The following CSMD1 variants were observed in gnomAD, a reference collection of about 807,000 sequenced individuals.
CSMD1 encodes CUB and sushi domain-containing protein 1.
In CSMD1, 213 loss-of-function variants were observed where a neutral mutation model predicts 417.5. The ratio of observed to expected loss-of-function variants is 0.51; its 90% CI spans 0.46 to 0.57. The LOEUF is 0.57. Ranked by LOEUF, CSMD1 falls within the 20% of genes least tolerant of loss-of-function variation. The pLI, the probability that CSMD1 is intolerant of heterozygous loss-of-function variation, is 0.00. For missense variants in CSMD1, 6,923 were observed against 4,529.7 expected, an observed-to-expected ratio of 1.53 and a Z score of -15.17; for synonymous variants, 2,862 against 1,736.8, an observed-to-expected ratio of 1.65 and a Z score of -16.11.
chr8:3,160,913 T>G (rs1363822142), intron 38 of CSMD1, among the ~76,000 whole-genome samples: 2 of 152,174 alleles, frequency 1.3e-5, no homozygotes, highest in African/African-American at 4.8e-5. Flanking sequence ...TACACAATAT[T>G]TACCCCAATG....
chr8:4,266,461 T>C lies in CSMD1; in HGVS notation c.415+153492A>G, dbSNP rs188992475. Among the ~76,000 whole-genome samples the C allele has an allele frequency of 5.0e-3, 522 of 104,806 alleles. 75 individuals carry two copies. The highest frequency in any genetic ancestry group is 0.013 in the African/African-American group (501 of 38,414). 68.8% of individuals were successfully genotyped at this position (104,806 alleles called of 152,430 possible). A position where few individuals can be genotyped will look rare whatever the true frequency, so the allele number is the denominator to read the frequency against. ...TAGGTTATATTGATGATTGGTTAGA[T>C]AGAAGCCAAGGATAAAATTTATAAC... On this transcript the variant is annotated intron_variant, in intron 3 of 69. Coordinates refer to ENST00000635120, the MANE Select transcript of CSMD1 (RefSeq NM_033225.6).
At chr8:4,296,351 C>G (rs571742579) in intron 3 of CSMD1, among the ~76,000 whole-genome samples, 1 of 151,984 alleles carries the variant, frequency 6.6e-6, no homozygotes, top group Non-Finnish European at 1.5e-5. Flanking sequence ...ACTATAAACT[C>G]ATGTATATTT....
chr8:3,338,125 A>T (rs1807393256), intron 23 of CSMD1, among the ~76,000 whole-genome samples: 1 of 152,180 alleles, frequency 6.6e-6, no homozygotes, highest in African/African-American at 2.4e-5. Flanking sequence ...CCCCTTGAGG[A>T]GTCTGTCATC....
chr8:4,423,155 A>T (rs1358793176), intron 2 of CSMD1, among the ~76,000 whole-genome samples: 2 of 152,118 alleles, frequency 1.3e-5, no homozygotes, highest in Non-Finnish European at 2.9e-5. Flanking sequence ...AAATTTGAAC[A>T]AGTCAAGAAT....
intron 25 of CSMD1, among the ~76,000 whole-genome samples, chr8:3,287,057 C>T (rs1288324869): frequency 6.6e-6 from 1 of 152,018 alleles, no homozygotes; most frequent in Non-Finnish European, 1.5e-5. Context: ...GCCAGTTTTC[C>T]CAGCACCATT....
At chr8:4,724,623 T>C (rs1020292590) in intron 1 of CSMD1, among the ~76,000 whole-genome samples, 2 of 151,920 alleles carry the variant, frequency 1.3e-5, no homozygotes, top group Admixed American at 6.6e-5. Context: ...TGTGATATTA[T>C]TTGGAAAAAA....
intron 6 of CSMD1, among the ~76,000 whole-genome samples, chr8:3,731,062 C>T (rs1796223551): frequency 6.6e-6 from 1 of 152,152 alleles, no homozygotes; most frequent in African/African-American, 2.4e-5. Context: ...AGCTATTTTT[C>T]CTACGTCCTT....
chr8:4,064,283 A>G (rs2554697), intron 3 of CSMD1, among the ~76,000 whole-genome samples: 58,944 of 152,022 alleles, frequency 0.39, 12,121 homozygotes, highest in East Asian at 0.79. Flanking sequence ...TTATCGTACC[A>G]TATTTTATAT....
chr8:3,905,322 T>G (rs888089467), intron 5 of CSMD1, among the ~76,000 whole-genome samples: 2 of 152,222 alleles, frequency 1.3e-5, no homozygotes, highest in Non-Finnish European at 2.9e-5. Context: ...GACAGGTACC[T>G]GATCTTAAAT....
At chr8:4,426,570 T>C (rs1214693638) in intron 2 of CSMD1, among the ~76,000 whole-genome samples, 4 of 147,340 alleles carry the variant, frequency 2.7e-5, no homozygotes, top group African/African-American at 9.8e-5. Context: ...TAGTATAGTA[T>C]ATATACACAG....
chr8:3,554,438 G>T (rs1178361102), intron 10 of CSMD1, among the ~76,000 whole-genome samples: 1 of 152,156 alleles, frequency 6.6e-6, no homozygotes, highest in African/African-American at 2.4e-5. Context: ...CTGGAGCTGG[G>T]GGAGCAGAGA....
intron 5 of CSMD1, among the ~76,000 whole-genome samples, chr8:3,992,431 G>C (rs955516425): frequency 6.6e-6 from 1 of 152,098 alleles, no homozygotes; most frequent in Non-Finnish European, 1.5e-5. Flanking sequence ...AAAAATAAGT[G>C]TTGAGGTGCA....
Position 3,794,350 on chromosome 8 carries a change from T to C in CSMD1, c.819-40308A>G, listed in dbSNP as rs1380188231. ...TTTTTAAGCTGAGTAAACATATGTTTGCTAAATAAAACACTTATAGATCAT... is the reference window on the plus strand; with the variant it reads ...TTTTTAAGCTGAGTAAACATATGTTCGCTAAATAAAACACTTATAGATCAT... On this transcript the variant is annotated intron_variant, in intron 5 of 69. Coordinates refer to ENST00000635120, the MANE Select transcript of CSMD1 (RefSeq NM_033225.6). Among the ~76,000 whole-genome samples, 4 of 152,296 alleles carry C rather than the reference T, an allele frequency of 2.6e-5. No individual in the cohort carries two copies. The East Asian group carries it at 5.8e-4, about 22-fold the overall frequency.
At chr8:3,610,428 A>T (rs1176528255) in intron 8 of CSMD1, among the ~76,000 whole-genome samples, 2 of 151,854 alleles carry the variant, frequency 1.3e-5, no homozygotes, top group Admixed American at 1.3e-4. Context: ...CCAACTACAC[A>T]GGAGATCGAA....
intron 3 of CSMD1, among the ~76,000 whole-genome samples, chr8:4,278,650 T>C (rs754818530): frequency 1.3e-5 from 2 of 152,112 alleles, no homozygotes; most frequent in African/African-American, 4.8e-5. Context: ...CAACATAAAG[T>C]GTAGCTTTTT....
At chr8:4,942,828 T>A (rs1263758221) in intron 1 of CSMD1, among the ~76,000 whole-genome samples, 1 of 152,230 alleles carries the variant, frequency 6.6e-6, no homozygotes, top group Non-Finnish European at 1.5e-5. Context: ...ATAATAGGTG[T>A]TAACTAATTC....
At chr8:3,656,350 A>G (rs1159839535) in intron 7 of CSMD1, among the ~76,000 whole-genome samples, 3 of 152,304 alleles carry the variant, frequency 2.0e-5, no homozygotes, top group Non-Finnish European at 4.4e-5. Flanking sequence ...AAAGCTTTCC[A>G]GCGCGGCTGT....
chr8:3,743,916 T>C (rs914541194), intron 6 of CSMD1, among the ~76,000 whole-genome samples: 8 of 152,226 alleles, frequency 5.3e-5, no homozygotes, highest in African/African-American at 1.9e-4. Flanking sequence ...CATTTGTCTT[T>C]GTCACCTTAC....
rs960490248 is a variant in CSMD1 at position 3,128,549 on chromosome 8, C to T, written c.6242-9962G>A. 9 of 261,820 alleles carry T rather than the reference C, an allele frequency of 3.4e-5. No individual in the cohort carries two copies. In the East Asian group the frequency reaches 8.1e-4, roughly 23 times the overall value. The allele number at this position is 261,820 out of a possible 1,614,324, so 16.2% of individuals were successfully genotyped here. On this transcript the variant is annotated intron_variant, in intron 41 of 69. Coordinates refer to ENST00000635120, the MANE Select transcript of CSMD1 (RefSeq NM_033225.6). ...TTAATTATAAGCTTAGCTTCTAAAT[C>T]TCAAGTAGAACCTAGGAATGTTTAT... is the stretch of plus-strand genomic sequence containing the variant.
Sources: gnomAD v4.1 joint callset for allele counts (sites outside exome capture counted in the v4.1 genomes callset) on GRCh38, gnomAD v4.1.1 for gene constraint, MANE v1.5 for transcripts, NCBI Gene and HGNC (gene_info 2026-07-23, HGNC 2026-07-21) for gene names.